IL16: variants seen among roughly 807,000 people sequenced by gnomAD.
IL16 encodes the protein pro-interleukin-16.
A neutral mutation model predicts 110.1 loss-of-function variants in IL16; 67 were observed. That is an observed-to-expected ratio of 0.61 (90% CI 0.50 to 0.75). The LOEUF is 0.75. Ranked by LOEUF, IL16 falls within the 30% of genes least tolerant of loss-of-function variation. IL16 has a pLI of 0.00. For missense variants in IL16, 1,545 were observed against 1,655.0 expected (o/e 0.93, Z 1.15); for synonymous variants, 689 against 662.9 (o/e 1.04, Z -0.61).
At chr15:81,263,264 T>C (rs962570568) in intron 3 of IL16, among the ~76,000 whole-genome samples, 2 of 152,202 alleles carry the variant, frequency 1.3e-5, no homozygotes, top group African/African-American at 4.8e-5. Context: ...AACATAACTT[T>C]ATAAACTCAT....
chr15:81,289,760 C>G (rs780999736), intron 10 of IL16: 73 of 301,786 alleles, frequency 2.4e-4, no homozygotes, highest in Non-Finnish European at 4.3e-4. Flanking sequence ...TGATGATGTC[C>G]TTTTGATGCA....
intron 2 of IL16, among the ~76,000 whole-genome samples, chr15:81,247,070 C>CTCTTTTTT (rs1567016849): frequency 9.3e-6 from 1 of 107,606 alleles, no homozygotes; most frequent in African/African-American, 3.5e-5. Flanking sequence ...TCTTTCTTTT[C>CTCTTTTTT]TTTTCCTTTT....
chr15:81,309,015 A>C lies in IL16; in HGVS notation c.*217A>C. 2.1e-6 allele frequency: 1 copy of C among 478,412 alleles called. No individual in the cohort carries two copies. 29.6% of individuals were successfully genotyped at this position (478,412 alleles called of 1,614,324 possible). A position where few individuals can be genotyped will look rare whatever the true frequency, so the allele number is the denominator to read the frequency against. ...GAGTCACACGGGGGCAGCTGATACA[A>C]ATTGCAGACTGTGTAAAAAGAGAGC... On this transcript the variant is annotated 3_prime_UTR_variant, in exon 19 of 19. Coordinates refer to ENST00000683961, the MANE Select transcript of IL16 (RefSeq NM_172217.5).
intron 1 of IL16, among the ~76,000 whole-genome samples, chr15:81,184,131 A>G (rs1895384829): frequency 6.6e-6 from 1 of 152,210 alleles, no homozygotes; most frequent in Non-Finnish European, 1.5e-5. Flanking sequence ...GGCAGATGAC[A>G]TGGATGCATT....
intron 2 of IL16, among the ~76,000 whole-genome samples, chr15:81,230,919 G>A (rs1396284416): frequency 6.6e-6 from 1 of 152,130 alleles, no homozygotes; most frequent in Non-Finnish European, 1.5e-5. Context: ...CATGGGGGAT[G>A]CAGGTGAAGA....
At chr15:81,189,901 T>C (rs1011762780) in intron 1 of IL16, among the ~76,000 whole-genome samples, 1 of 152,250 alleles carries the variant, frequency 6.6e-6, no homozygotes, top group African/African-American at 2.4e-5. Flanking sequence ...TTAAAAATGT[T>C]GCTTTCTGAT....
intron 10 of IL16, among the ~76,000 whole-genome samples, chr15:81,289,401 C>T (rs1031483626): frequency 6.6e-6 from 1 of 152,202 alleles, no homozygotes; most frequent in African/African-American, 2.4e-5. Context: ...TCCCAGAGTG[C>T]TGGGATTAGA....
chr15:81,300,422 A>G lies in IL16; in HGVS notation c.3096A>G (p.Ser1032=). The change falls in exon 14 of 19, where the codon TCA becomes TCG. Residue 1032 remains serine, a synonymous_variant. Coordinates refer to ENST00000683961, the MANE Select transcript of IL16 (RefSeq NM_172217.5). ...CAACATCATCATCCAACGAAGACTC[A>G]GCTGCAAATGGTTCTGCTGAAACAT... The part of the protein sequence containing the change: ...ASPTSSSNED[S]AANGSAETSA... The G allele has an allele frequency of 6.2e-7, 1 of 1,614,158 alleles. No homozygotes were observed. Among genetic ancestry groups the G allele is most frequent in the Non-Finnish European group, 8.5e-7 (1 of 1,179,996 alleles).
In IL16 at chr15:81,282,701, A is replaced by G; in HGVS notation, c.1144A>G (p.Ile382Val). 6.2e-7 allele frequency: 1 copy of G among 1,614,120 alleles called. No individual in the cohort carries two copies. The highest frequency in any genetic ancestry group is 1.7e-4 in the Middle Eastern group (1 of 6,046). ...SVPYFQCISG[I>V]FVHTLSPGSV... The stretch of plus-strand genomic sequence containing the variant: ...TCCCTACTTCCAATGCATCTCTGGC[A>G]TTTTCGTCCACACGCTGTCACCAGG... Residue 382 changes from isoleucine (I) to valine (V), a missense_variant, in exon 9 of 19, where the codon ATT (isoleucine) becomes GTT (valine). This residue lies in a region of IL16 where 1,185 missense variants were observed against 1,238.8 expected (regional missense o/e 0.96). Transcript: ENST00000683961.
At chr15:81,193,874 T>G (rs1302908539), upstream of IL16, among the ~76,000 whole-genome samples, 1 of 152,214 alleles carries the variant, frequency 6.6e-6, no homozygotes, top group African/African-American at 2.4e-5. Flanking sequence ...GAGAATTTAT[T>G]ATCATCATGT....
chr15:81,204,118 C>T (rs1299106269), intron 1 of IL16, among the ~76,000 whole-genome samples: 1 of 152,086 alleles, frequency 6.6e-6, no homozygotes, highest in African/African-American at 2.4e-5. Context: ...ATTTGGCTCT[C>T]TGTTTGTCTG....
At chr15:81,245,953 GA>G (rs1232273221) in intron 2 of IL16, among the ~76,000 whole-genome samples, 1 of 151,974 alleles carries the variant, frequency 6.6e-6, no homozygotes, top group African/African-American at 2.4e-5. Flanking sequence ...GAGAAATAGG[GA>G]AAAGTCTGTC....
At chr15:81,256,322 T>G (rs1897942476) in intron 2 of IL16, among the ~76,000 whole-genome samples, 1 of 150,820 alleles carries the variant, frequency 6.6e-6, no homozygotes, top group Non-Finnish European at 1.5e-5. Flanking sequence ...ATGTCACAAC[T>G]CTTTACAAAC....
intron 15 of IL16, among the ~76,000 whole-genome samples, chr15:81,302,590 C>A (rs1048704119): frequency 6.6e-6 from 1 of 152,146 alleles, no homozygotes; most frequent in African/African-American, 2.4e-5. Context: ...ATCATAGGGA[C>A]AGCTGCAAGT....
At chr15:81,302,808 C>T (rs1900352658) in intron 15 of IL16, among the ~76,000 whole-genome samples, 1 of 152,134 alleles carries the variant, frequency 6.6e-6, no homozygotes, top group Admixed American at 6.5e-5. Flanking sequence ...GTTCTGTATG[C>T]CTACGTAGAG....
chr15:81,270,612 AT>A (rs886544422), intron 5 of IL16, among the ~76,000 whole-genome samples: 3 of 152,092 alleles, frequency 2.0e-5, no homozygotes, highest in African/African-American at 7.2e-5. Flanking sequence ...TGAAGGACCC[AT>A]TTTCTGATTA....
intron 18 of IL16, chr15:81,306,967 G>C (rs1900600972): frequency 6.5e-6 from 2 of 308,164 alleles, no homozygotes; most frequent in African/African-American, 2.2e-5. Context: ...TTTAAATCAA[G>C]ACAGAGTCTG....
intron 2 of IL16, among the ~76,000 whole-genome samples, chr15:81,256,119 C>T (rs1254142894): frequency 6.6e-6 from 1 of 152,154 alleles, no homozygotes; most frequent in Non-Finnish European, 1.5e-5. Flanking sequence ...GTCACATCCT[C>T]AGTACTTGGA....
At chr15:81,205,342 T>C (rs558264601) in intron 1 of IL16, among the ~76,000 whole-genome samples, 279 of 151,624 alleles carry the variant, frequency 1.8e-3, no homozygotes, top group African/African-American at 6.0e-3. Context: ...TGATATATAA[T>C]GATCTATGAT....
Sources: gnomAD v4.1 joint callset for allele counts (sites outside exome capture counted in the v4.1 genomes callset) on GRCh38, gnomAD v4.1.1 for gene constraint, gnomAD v4.1.1 regional missense constraint, MANE v1.5 for transcripts, NCBI Gene and HGNC (gene_info 2026-07-23, HGNC 2026-07-21) for gene names.